The following USP12 variants were observed in gnomAD, a reference collection of about 807,000 sequenced individuals.
The protein encoded by USP12 is ubiquitin specific peptidase 12.
Under a neutral mutation model 45.5 loss-of-function variants are expected in USP12, and 19 were observed. That is an observed-to-expected ratio of 0.42 (90% CI 0.29 to 0.61). The LOEUF (loss-of-function observed/expected upper bound fraction) is 0.61, where lower values mean the gene tolerates loss of function less well. Ranked by LOEUF, USP12 falls within the 20% of genes least tolerant of loss-of-function variation. The pLI is 0.22. For synonymous variants in USP12, 149 were observed against 148.8 expected, an observed-to-expected ratio of 1.00 and a Z score of -0.01; for missense variants, 242 against 447.7, an observed-to-expected ratio of 0.54 and a Z score of 4.15.
chr13:27,131,049 T>C (rs751891071), intron 1 of USP12, among the ~76,000 whole-genome samples: 2 of 152,226 alleles, frequency 1.3e-5, no homozygotes, highest in Non-Finnish European at 2.9e-5. Flanking sequence ...ACTCAAAGTT[T>C]ATGTGTGGCA....
At chr13:27,083,414 G>A (rs1414035967) in intron 6 of USP12, among the ~76,000 whole-genome samples, 1 of 152,050 alleles carries the variant, frequency 6.6e-6, no homozygotes, top group African/African-American at 2.4e-5. Context: ...GCAATGTTCT[G>A]TTCTCTAAGA....
intron 2 of USP12, among the ~76,000 whole-genome samples, chr13:27,110,233 C>G (rs1440989665): frequency 2.0e-5 from 3 of 151,154 alleles, no homozygotes; most frequent in African/African-American, 7.3e-5. Flanking sequence ...ACCTCTCCTA[C>G]TCTAGCTTTT....
chr13:27,147,293 A>G lies in USP12; in HGVS notation c.48+24299T>C, dbSNP rs183920571. Among the ~76,000 whole-genome samples, 1,066 of 152,346 alleles carry G rather than the reference A, an allele frequency of 7.0e-3. 8 individuals are homozygous for G. Among genetic ancestry groups the G allele is most frequent in the Middle Eastern group, 0.014 (4 of 294 alleles). On this transcript the variant is annotated intron_variant, in intron 1 of 8. Coordinates refer to ENST00000282344, the MANE Select transcript of USP12 (RefSeq NM_182488.4). ...TAATCTAAGCAAAACACAACTCAGG[A>G]AAGGAATGCATATCGCCATTTTATT... is the stretch of plus-strand genomic sequence containing the variant.
intron 1 of USP12, among the ~76,000 whole-genome samples, chr13:27,170,528 T>G (rs1206756457): frequency 6.6e-6 from 1 of 152,226 alleles, no homozygotes; most frequent in African/African-American, 2.4e-5. Flanking sequence ...TCCCTACATA[T>G]AAGCTCATGA....
At chr13:27,159,645 T>G (rs531351213) in intron 1 of USP12, among the ~76,000 whole-genome samples, 5 of 152,238 alleles carry the variant, frequency 3.3e-5, no homozygotes, top group South Asian at 4.1e-4. Context: ...AAACTCAAAC[T>G]TTCCTACACC....
At chr13:27,168,171 C>A (rs1878432635) in intron 1 of USP12, among the ~76,000 whole-genome samples, 1 of 152,184 alleles carries the variant, frequency 6.6e-6, no homozygotes, top group African/African-American at 2.4e-5. Context: ...TGGATCTAAT[C>A]TCATGCCCTT....
At chr13:27,157,016 A>G (rs749141191) in intron 1 of USP12, among the ~76,000 whole-genome samples, 15 of 152,216 alleles carry the variant, frequency 9.9e-5, no homozygotes, top group Non-Finnish European at 2.2e-4. Flanking sequence ...CCTTACCTGT[A>G]AAACAGACTA....
At chr13:27,160,904 T>A (rs116950483) in intron 1 of USP12, among the ~76,000 whole-genome samples, 1 of 152,086 alleles carries the variant, frequency 6.6e-6, no homozygotes, top group Non-Finnish European at 1.5e-5. Flanking sequence ...CTCCCCGGGT[T>A]AAGCCCAGCA....
chr13:27,163,096 AT>A (rs1309905877), intron 1 of USP12, among the ~76,000 whole-genome samples: 11 of 152,192 alleles, frequency 7.2e-5, no homozygotes, highest in African/African-American at 2.7e-4. Flanking sequence ...CTTAAAAAAA[AT>A]ACAAGCAAAT....
intron 1 of USP12, among the ~76,000 whole-genome samples, chr13:27,151,031 CAAAAG>C (rs1036337184): frequency 4.0e-5 from 6 of 151,830 alleles, no homozygotes; most frequent in African/African-American, 1.5e-4. Flanking sequence ...GCATGAACGA[CAAAAG>C]AAAAAAATCA....
At chr13:27,158,723 A>G (rs1877956614) in intron 1 of USP12, among the ~76,000 whole-genome samples, 1 of 151,824 alleles carries the variant, frequency 6.6e-6, no homozygotes, top group African/African-American at 2.4e-5. Flanking sequence ...GCACTTTGTT[A>G]TGGCAGCCCT....
At chr13:27,090,456 A>T (rs1453523924) in intron 4 of USP12, among the ~76,000 whole-genome samples, 2 of 152,194 alleles carry the variant, frequency 1.3e-5, no homozygotes, top group Non-Finnish European at 2.9e-5. Context: ...GCATGAAATA[A>T]ACTGTACCAT....
intron 1 of USP12, among the ~76,000 whole-genome samples, chr13:27,153,417 A>T (rs1043412485): frequency 1.3e-5 from 2 of 152,254 alleles, no homozygotes; most frequent in African/African-American, 2.4e-5. Context: ...ATACAAAAAC[A>T]TATAAAGTAA....
chr13:27,160,255 A>T (rs1365447892), intron 1 of USP12, among the ~76,000 whole-genome samples: 2 of 152,220 alleles, frequency 1.3e-5, no homozygotes. Context: ...AAGCATTTTT[A>T]TCTGGCTAAG....
At chr13:27,124,953 G>T (rs1876157953) in intron 1 of USP12, among the ~76,000 whole-genome samples, 1 of 152,152 alleles carries the variant, frequency 6.6e-6, no homozygotes, top group Non-Finnish European at 1.5e-5. Flanking sequence ...CAAAGTAGTA[G>T]GCCTTGGGTT....
chr13:27,079,226 G>C (rs917027705), intron 6 of USP12, among the ~76,000 whole-genome samples: 1 of 139,884 alleles, frequency 7.1e-6, no homozygotes, highest in African/African-American at 2.6e-5. Flanking sequence ...GGGCGGGGGG[G>C]AGTGGGGGGA....
chr13:27,115,629 G>A (rs892072313), intron 2 of USP12, among the ~76,000 whole-genome samples: 5 of 152,184 alleles, frequency 3.3e-5, no homozygotes, highest in African/African-American at 1.2e-4. Context: ...GCACAAGTTT[G>A]TGATACTCCC....
chr13:27,071,177 C>A, intron 7 of USP12, 28 bp from the exon 8 acceptor site: 2 of 1,553,752 alleles, frequency 1.3e-6, no homozygotes, highest in South Asian at 1.2e-5. Context: ...GAAGTTAATT[C>A]AATATATTTA....
At chr13:27,105,016 A>G (rs1875061052) in intron 3 of USP12, among the ~76,000 whole-genome samples, 1 of 152,210 alleles carries the variant, frequency 6.6e-6, no homozygotes, top group Non-Finnish European at 1.5e-5. Context: ...ATCAGGGAGA[A>G]GTAAGTTTGT....
Sources: gnomAD v4.1 joint callset for allele counts (sites outside exome capture counted in the v4.1 genomes callset) on GRCh38, gnomAD v4.1.1 for gene constraint, MANE v1.5 for transcripts, NCBI Gene and HGNC (gene_info 2026-07-23, HGNC 2026-07-21) for gene names.